The following CACNA2D1 variants were observed in gnomAD, a reference collection of about 807,000 sequenced individuals.
CACNA2D1 encodes the protein calcium voltage-gated channel auxiliary subunit alpha2delta 1, also known as voltage-dependent calcium channel subunit alpha-2/delta-1.
In CACNA2D1, 53 loss-of-function variants were observed where a neutral mutation model predicts 171.5. The observed-to-expected ratio is 0.31, with a 90% CI of 0.25 to 0.39. The LOEUF (loss-of-function observed/expected upper bound fraction) is 0.39. Among genes scored for constraint, CACNA2D1 ranks in the 10% least tolerant of loss-of-function variants. The pLI is 1.00. For missense variants in CACNA2D1, 903 were observed against 1,299.8 expected, an observed-to-expected ratio of 0.69 and a Z score of 4.69; for synonymous variants, 442 against 443.1, an observed-to-expected ratio of 1.00 and a Z score of 0.03.
chr7:81,971,133 G>A (rs1795222075), intron 26 of CACNA2D1: 2 of 231,496 alleles, frequency 8.6e-6, no homozygotes, highest in African/African-American at 2.3e-5. Flanking sequence ...GTTCCTCAAT[G>A]GTCAGCTAAT....
intron 3 of CACNA2D1, among the ~76,000 whole-genome samples, chr7:82,220,940 G>A (rs1340303151): frequency 1.3e-5 from 2 of 151,874 alleles, no homozygotes; most frequent in Non-Finnish European, 2.9e-5. Context: ...CACCATGCCC[G>A]GCTATTTGTA....
chr7:82,285,059 T>C (rs1189842237), intron 3 of CACNA2D1, among the ~76,000 whole-genome samples: 3 of 152,124 alleles, frequency 2.0e-5, no homozygotes, highest in East Asian at 3.9e-4. Flanking sequence ...CCTGCTGCCA[T>C]GCAGAGCTCT....
At chr7:82,068,995 T>C (rs1807994338) in intron 7 of CACNA2D1, among the ~76,000 whole-genome samples, 2 of 152,192 alleles carry the variant, frequency 1.3e-5, no homozygotes, top group African/African-American at 4.8e-5. Context: ...TATTTCAAAA[T>C]ATTAATAATC....
At chr7:82,085,050 T>A in intron 6 of CACNA2D1, 150 bp from the exon 7 acceptor site, 2 of 702,744 alleles carry the variant, frequency 2.8e-6, no homozygotes, top group Non-Finnish European at 4.9e-6. Flanking sequence ...TTTTCGACAC[T>A]TTAGAGGACA....
At chr7:82,425,952 A>T (rs1829135718) in intron 1 of CACNA2D1, among the ~76,000 whole-genome samples, 1 of 151,008 alleles carries the variant, frequency 6.6e-6, no homozygotes, top group African/African-American at 2.4e-5. Flanking sequence ...AAGATGGCGA[A>T]ACCCCGTCTC....
chr7:82,054,063 TA>T (rs1372795081), intron 10 of CACNA2D1, among the ~76,000 whole-genome samples: 7 of 152,184 alleles, frequency 4.6e-5, no homozygotes, highest in Admixed American at 2.0e-4. Flanking sequence ...TTTAACAACA[TA>T]TTTTTTTTAG....
chr7:82,356,896 C>T (rs916704662), intron 1 of CACNA2D1, among the ~76,000 whole-genome samples: 2 of 152,044 alleles, frequency 1.3e-5, no homozygotes, highest in Non-Finnish European at 2.9e-5. Flanking sequence ...GAAAAAAAGT[C>T]TTATAATCCT....
chr7:82,054,741 T>TA (rs1805597810), intron 10 of CACNA2D1, among the ~76,000 whole-genome samples: 1 of 152,132 alleles, frequency 6.6e-6, no homozygotes, highest in African/African-American at 2.4e-5. Context: ...ACAAAGACCC[T>TA]ATTTGTACCT....
chr7:82,160,367 T>C (rs1223571611), intron 4 of CACNA2D1, among the ~76,000 whole-genome samples: 2 of 151,536 alleles, frequency 1.3e-5, no homozygotes, highest in Admixed American at 6.6e-5. Flanking sequence ...AAAAAAGAAA[T>C]AAAGTAATGA....
At chr7:81,972,009 T>G in intron 25 of CACNA2D1, 145 bp from the exon 26 acceptor site, 1 of 629,354 alleles carries the variant, frequency 1.6e-6, no homozygotes, top group Non-Finnish European at 2.8e-6. Context: ...TTCTTTGTAA[T>G]TTTAATATTG....
chr7:82,426,811 C>T (rs1314241005), intron 1 of CACNA2D1, among the ~76,000 whole-genome samples: 1 of 152,108 alleles, frequency 6.6e-6, no homozygotes, highest in Non-Finnish European at 1.5e-5. Flanking sequence ...AATATACCCC[C>T]CTACCCTTAT....
Position 82,359,369 on chromosome 7 carries a change from T to C in CACNA2D1, c.96-9720A>G, listed in dbSNP as rs77494011. The stretch of plus-strand genomic sequence containing the variant: ...GGTAAAAATTTCCTTATTTTCTTTA[T>C]TTCTATGAATTATTAGCTGATCATT... On this transcript the variant is annotated intron_variant, in intron 1 of 38. Transcript: ENST00000356860. Among the ~76,000 whole-genome samples, 381 of 152,280 alleles carry C rather than the reference T, an allele frequency of 2.5e-3. 4 individuals carry two copies. In the East Asian group the frequency reaches 0.033, roughly 13 times the overall value.
chr7:82,190,425 A>G (rs927806147), intron 3 of CACNA2D1, among the ~76,000 whole-genome samples: 1 of 151,814 alleles, frequency 6.6e-6, no homozygotes, highest in African/African-American at 2.4e-5. Flanking sequence ...CTTTGCTATC[A>G]ATCAAAGATG....
Position 81,946,764 on chromosome 7 carries a change from A to T in CACNA2D1, c.*3628T>A, listed in dbSNP as rs1402574817. ...AGGTCACATTATAAACTCAACTGGC[A>T]TCTACACAAGACAGTATCCCATTAG... On this transcript the variant is annotated 3_prime_UTR_variant, in exon 39 of 39. Coordinates refer to ENST00000356860, the MANE Select transcript of CACNA2D1 (RefSeq NM_000722.4). 1 of 152,064 alleles carries T rather than the reference A, an allele frequency of 6.6e-6. No homozygotes were observed. The highest frequency in any genetic ancestry group is 2.4e-5 in the African/African-American group (1 of 41,404). 9.4% of individuals were successfully genotyped at this position (152,064 alleles called of 1,614,324 possible).
chr7:82,433,445 T>C (rs1272933157), intron 1 of CACNA2D1, among the ~76,000 whole-genome samples: 1 of 152,214 alleles, frequency 6.6e-6, no homozygotes, highest in African/African-American at 2.4e-5. Flanking sequence ...TTCTTGAGAA[T>C]GGAATATGTA....
chr7:82,024,313 T>C (rs186756607), intron 12 of CACNA2D1, among the ~76,000 whole-genome samples: 3 of 151,800 alleles, frequency 2.0e-5, no homozygotes, highest in South Asian at 2.1e-4. Flanking sequence ...TCCCCAACAC[T>C]TGTCTTTTGT....
Position 82,443,450 on chromosome 7 carries a change from C to T in CACNA2D1, c.10G>A (p.Gly4Ser), listed in dbSNP as rs1477073387. Residue 4 changes from glycine (G) to serine (S), a missense_variant, in exon 1 of 39, where the codon GGC (glycine) becomes AGC (serine). Physicochemically the swap from Gly to Ser is moderately conservative, Grantham distance 56. Around this residue, in one of 5 missense-constraint regions of CACNA2D1, gnomAD observed 41 missense variants for 27.6 expected, o/e 1.49. Transcript: ENST00000356860. MAAGCLLALTLTLF... is the reference protein window; with the variant it reads MAASCLLALTLTLF... The stretch of plus-strand genomic sequence containing the variant: ...GTCAGAGTCAAGGCCAGCAGGCAGC[C>T]AGCAGCCATCTTCGCGATCGAAGAT... 4 of 1,607,430 alleles carry T rather than the reference C, an allele frequency of 2.5e-6. No individual in the cohort carries two copies. The Admixed American group carries it at 5.0e-5, about 20-fold the overall frequency.
chr7:81,951,969 G>GTTTTTTTTTTTTTGTTTTGT, intron 38 of CACNA2D1, among the ~76,000 whole-genome samples: 1 of 71,916 alleles, frequency 1.4e-5, no homozygotes, highest in South Asian at 6.4e-4. Context: ...TGTACAAAGT[G>GTTTTTTTTTTTTTGTTTTGT]TTTTTTTTTT....
intron 12 of CACNA2D1, chr7:82,027,701 A>G (rs975354658): frequency 1.3e-5 from 2 of 151,726 alleles, no homozygotes; most frequent in African/African-American, 2.4e-5. Context: ...CACTGTTGCC[A>G]TTTTTCCAAC....
Sources: gnomAD v4.1 joint callset for allele counts (sites outside exome capture counted in the v4.1 genomes callset) on GRCh38, gnomAD v4.1.1 for gene constraint, gnomAD v4.1.1 regional missense constraint, MANE v1.5 for transcripts, NCBI Gene and HGNC (gene_info 2026-07-23, HGNC 2026-07-21) for gene names.